Variants in AUTS2 observed in about 807,000 individuals in gnomAD.
AUTS2 encodes the protein autism susceptibility gene 2 protein.
A neutral mutation model predicts 112.4 loss-of-function variants in AUTS2; 17 were observed. That is an observed-to-expected ratio of 0.15 (90% CI 0.10 to 0.23). AUTS2 has a LOEUF of 0.23. AUTS2 is among the 10% of genes least tolerant of loss of function. The pLI is 1.00. For synonymous variants in AUTS2, 751 were observed against 702.7 expected (o/e 1.07, Z -1.09); for missense variants, 1,510 against 1,701.6 (o/e 0.89, Z 1.98).
At chr7:70,480,476 A>T (rs961859994) in intron 5 of AUTS2, among the ~76,000 whole-genome samples, 6 of 152,222 alleles carry the variant, frequency 3.9e-5, no homozygotes, top group Non-Finnish European at 5.9e-5. Flanking sequence ...AGGCTCATTC[A>T]TTCCCATTTC....
chr7:70,708,330 G>A (rs748510726), intron 6 of AUTS2, among the ~76,000 whole-genome samples: 8 of 152,180 alleles, frequency 5.3e-5, no homozygotes, highest in Non-Finnish European at 1.2e-4. Flanking sequence ...TTGACAAGGG[G>A]TCTTCTGAAA....
intron 1 of AUTS2, among the ~76,000 whole-genome samples, chr7:69,740,333 A>G (rs1022469675): frequency 6.6e-6 from 1 of 152,182 alleles, no homozygotes; most frequent in Non-Finnish European, 1.5e-5. Flanking sequence ...GATTGGCAGC[A>G]TTTGGAACTA....
At chr7:69,737,323 G>A (rs895258818) in intron 1 of AUTS2, among the ~76,000 whole-genome samples, 1 of 152,154 alleles carries the variant, frequency 6.6e-6, no homozygotes, top group Non-Finnish European at 1.5e-5. Flanking sequence ...CTAAGTGCTT[G>A]TAATATGTTT....
chr7:70,372,783 A>C (rs1433467291), intron 4 of AUTS2, among the ~76,000 whole-genome samples: 1 of 151,918 alleles, frequency 6.6e-6, no homozygotes, highest in African/African-American at 2.4e-5. Context: ...TTCCACTTTG[A>C]GAGTTTGGGC....
intron 1 of AUTS2, among the ~76,000 whole-genome samples, chr7:69,696,400 A>AT (rs963301334): frequency 2.8e-4 from 42 of 151,626 alleles, no homozygotes; most frequent in Admixed American, 5.3e-4. Context: ...GGGGTATAGA[A>AT]TTTTTTTTTT....
intron 4 of AUTS2, among the ~76,000 whole-genome samples, chr7:70,198,478 A>G (rs1271364069): frequency 6.8e-6 from 1 of 147,682 alleles, no homozygotes; most frequent in African/African-American, 2.5e-5. Flanking sequence ...AGAATAACCA[A>G]TACAGAGAAG....
chr7:70,113,535 T>TC (rs1407578047), intron 2 of AUTS2, among the ~76,000 whole-genome samples: 1 of 152,154 alleles, frequency 6.6e-6, no homozygotes, highest in Non-Finnish European at 1.5e-5. Flanking sequence ...ACTGAAACAT[T>TC]CCCCAAATTT....
At chr7:69,746,548 G>A (rs1584178739) in intron 1 of AUTS2, among the ~76,000 whole-genome samples, 1 of 152,120 alleles carries the variant, frequency 6.6e-6, no homozygotes, top group Non-Finnish European at 1.5e-5. Flanking sequence ...GGAATGAGCT[G>A]CGCAACTCTT....
At chr7:70,299,179 G>T (rs1562861564) in intron 4 of AUTS2, among the ~76,000 whole-genome samples, 1 of 152,194 alleles carries the variant, frequency 6.6e-6, no homozygotes, top group African/African-American at 2.4e-5. Flanking sequence ...AGATGGAAAT[G>T]ATTTTTTTCA....
chr7:70,101,311 A>T (rs1318775985), intron 2 of AUTS2, among the ~76,000 whole-genome samples: 1 of 152,124 alleles, frequency 6.6e-6, no homozygotes, highest in Non-Finnish European at 1.5e-5. Context: ...TATAAAACCA[A>T]ATTCTTCAGC....
At chr7:70,203,993 T>C (rs1225854726) in intron 4 of AUTS2, among the ~76,000 whole-genome samples, 9 of 150,248 alleles carry the variant, frequency 6.0e-5, no homozygotes, top group African/African-American at 1.2e-4. Context: ...ACTGTATAAA[T>C]GTTAGTTGTT....
intron 5 of AUTS2, among the ~76,000 whole-genome samples, chr7:70,670,623 C>A (rs932826661): frequency 2.6e-5 from 4 of 152,124 alleles, no homozygotes; most frequent in African/African-American, 9.7e-5. Flanking sequence ...TAGCCCAGGG[C>A]AGACATAGTT....
chr7:70,534,842 A>G (rs1800248309), intron 5 of AUTS2, among the ~76,000 whole-genome samples: 1 of 152,082 alleles, frequency 6.6e-6, no homozygotes, highest in South Asian at 2.1e-4. Flanking sequence ...GATGGCAGTA[A>G]TGATGATGAT....
Position 70,790,018 on chromosome 7 carries a change from G to A in AUTS2, c.2802G>A (p.Lys934=), listed in dbSNP as rs759971873. Residue 934 remains lysine (K), a synonymous_variant, in exon 19 of 19, where the codon AAG becomes AAA. Transcript: ENST00000342771. The surrounding 1 kb of genome is among the most constrained non-coding windows in gnomAD (Gnocchi z 7.6). ...GGCGCGCCGCGGGCGAAGAGGCCAA[G>A]CAGCTGGCCCGGGTGCCGTCTCCCT... ...HEGRAAGEEA[K]QLARVPSPYV... 12 of 1,591,954 alleles carry A rather than the reference G, an allele frequency of 7.5e-6. No individual in the cohort carries two copies. Among genetic ancestry groups the A allele is most frequent in the Non-Finnish European group, 7.7e-6 (9 of 1,169,814 alleles).
intron 4 of AUTS2, among the ~76,000 whole-genome samples, chr7:70,315,837 C>A (rs2129616658): frequency 6.6e-6 from 1 of 152,318 alleles, no homozygotes; most frequent in African/African-American, 2.4e-5. Flanking sequence ...GCTTCTCCTA[C>A]CTCCAGCTTA....
intron 6 of AUTS2, among the ~76,000 whole-genome samples, chr7:70,756,527 A>G (rs1230204312): frequency 6.6e-6 from 1 of 152,250 alleles, no homozygotes; most frequent in Non-Finnish European, 1.5e-5. Context: ...ATTTAAAAGT[A>G]TATATAAAGC....
At chr7:70,092,498 A>G (rs116419211) in intron 2 of AUTS2, among the ~76,000 whole-genome samples, 2,349 of 152,260 alleles carry the variant, frequency 0.015, 66 homozygotes, top group African/African-American at 0.05. Context: ...ATAAATGGCA[A>G]TAAAAAAGAG....
At chr7:69,664,130 A>T (rs1272422193) in intron 1 of AUTS2, among the ~76,000 whole-genome samples, 1 of 152,208 alleles carries the variant, frequency 6.6e-6, no homozygotes, top group Non-Finnish European at 1.5e-5. Context: ...ACGTGACAAC[A>T]CAAAGAGGGT....
At chr7:70,226,448 G>A (rs1009355771) in intron 4 of AUTS2, among the ~76,000 whole-genome samples, 3 of 149,826 alleles carry the variant, frequency 2.0e-5, no homozygotes, top group Non-Finnish European at 3.0e-5. Flanking sequence ...CTTGTGATCC[G>A]CCCTCCTTGG....
Sources: gnomAD v4.1 joint callset for allele counts (sites outside exome capture counted in the v4.1 genomes callset) on GRCh38, gnomAD v4.1.1 for gene constraint, Gnocchi (gnomAD v3.1) non-coding constraint, MANE v1.5 for transcripts, NCBI Gene and HGNC (gene_info 2026-07-23, HGNC 2026-07-21) for gene names.